Variants in KCNJ10 observed in about 807,000 individuals in gnomAD.
The protein encoded by KCNJ10 is ATP-sensitive inward rectifier potassium channel 10.
Under a neutral mutation model 22.2 loss-of-function variants are expected in KCNJ10, and 9 were observed. That is an observed-to-expected ratio of 0.40 (90% CI 0.24 to 0.71). The LOEUF (loss-of-function observed/expected upper bound fraction) is 0.71. KCNJ10 is among the 30% of genes least tolerant of loss of function. The pLI, the probability that KCNJ10 is intolerant of heterozygous loss-of-function variation, is 0.35. For synonymous variants in KCNJ10, 184 were observed against 187.3 expected, an observed-to-expected ratio of 0.98 and a Z score of 0.15; for missense variants, 337 against 482.7, an observed-to-expected ratio of 0.70 and a Z score of 2.83.
chr1:160,045,558 C>T (rs926187451), intron 1 of KCNJ10, among the ~76,000 whole-genome samples: 5 of 152,090 alleles, frequency 3.3e-5, no homozygotes, highest in African/African-American at 1.2e-4. Flanking sequence ...GAAAATAATC[C>T]AATATGAGTT....
chr1:160,041,571 C>CATAGCT lies in KCNJ10; in HGVS notation c.961_962insAGCTAT (p.Gly321delinsGluLeuCys). The CATAGCT allele has an allele frequency of 6.2e-7, 1 of 1,614,180 alleles. No individual in the cohort carries two copies. Among genetic ancestry groups the CATAGCT allele is most frequent in the Non-Finnish European group, 8.5e-7 (1 of 1,180,034 alleles). On this transcript the variant is annotated protein_altering_variant, in exon 2 of 2. Coordinates refer to ENST00000644903, the MANE Select transcript of KCNJ10 (RefSeq NM_002241.5). The surrounding 1 kb of genome is among the most constrained non-coding windows in gnomAD (Gnocchi z 4.4). ...AAGGCTAAAGTCAGCTATGTATTTA[C>CATAGCT]CACTGGCTGACAGTGAGATGGCAGG...
At chr1:160,049,693 A>ATATATATATATATATATT in intron 1 of KCNJ10, among the ~76,000 whole-genome samples, 1 of 116,732 alleles carries the variant, frequency 8.6e-6, no homozygotes, top group Non-Finnish European at 1.8e-5. Context: ...ATATATATAT[A>ATATATATATATATATATT]TATATATATA....
chr1:160,068,710 G>T (rs561022305), intron 1 of KCNJ10, among the ~76,000 whole-genome samples: 1 of 152,196 alleles, frequency 6.6e-6, no homozygotes, highest in Non-Finnish European at 1.5e-5. Context: ...AAATTTACAA[G>T]CCCTACCACT....
intron 1 of KCNJ10, among the ~76,000 whole-genome samples, chr1:160,054,382 G>T (rs1648975680): frequency 6.6e-6 from 1 of 152,098 alleles, no homozygotes; most frequent in African/African-American, 2.4e-5. Flanking sequence ...TCCCAGCCTG[G>T]CCCCATCTGG....
chr1:160,069,208 T>G (rs940143532), intron 1 of KCNJ10, among the ~76,000 whole-genome samples: 28 of 152,200 alleles, frequency 1.8e-4, no homozygotes, highest in African/African-American at 6.0e-4. Flanking sequence ...ATTCCTGGGT[T>G]CAGCTCTCCT....
chr1:160,065,515 G>A (rs1293357008), intron 1 of KCNJ10, among the ~76,000 whole-genome samples: 1 of 152,182 alleles, frequency 6.6e-6, no homozygotes, highest in Non-Finnish European at 1.5e-5. Context: ...GGGCCAAGTT[G>A]CAGATGCAAG....
chr1:160,050,080 A>G (rs922944182), intron 1 of KCNJ10, among the ~76,000 whole-genome samples: 2 of 152,098 alleles, frequency 1.3e-5, no homozygotes, highest in African/African-American at 2.4e-5. Context: ...ATCTGTATTA[A>G]TGTTGCCCAC....
chr1:160,064,654 A>AAAAAGTT (rs1158651296), intron 1 of KCNJ10: 2 of 152,258 alleles, frequency 1.3e-5, no homozygotes, highest in Non-Finnish European at 2.9e-5. Context: ...TCCTGAGGTC[A>AAAAAGTT]AAAAGTTTAA....
intron 1 of KCNJ10, among the ~76,000 whole-genome samples, chr1:160,055,001 G>A (rs1035875296): frequency 1.3e-4 from 20 of 152,142 alleles, no homozygotes; most frequent in Admixed American, 5.2e-4. Flanking sequence ...ATCAGGGGGT[G>A]GGGCTCCCCA....
chr1:160,059,058 C>T (rs1232799026), intron 1 of KCNJ10, among the ~76,000 whole-genome samples: 8 of 152,182 alleles, frequency 5.3e-5, no homozygotes, highest in East Asian at 1.9e-4. Context: ...CGCTCCATGC[C>T]GTGCTTCATC....
At chr1:160,049,784 G>T (rs1648858300) in intron 1 of KCNJ10, among the ~76,000 whole-genome samples, 1 of 142,690 alleles carries the variant, frequency 7.0e-6, no homozygotes, top group African/African-American at 2.6e-5. Flanking sequence ...TTTTATGATT[G>T]AATTAAAAGT....
intron 1 of KCNJ10, among the ~76,000 whole-genome samples, chr1:160,066,049 C>T (rs914382575): frequency 1.3e-5 from 2 of 151,970 alleles, no homozygotes; most frequent in African/African-American, 2.4e-5. Flanking sequence ...AATACAAGAG[C>T]GATAGGCAGG....
At chr1:160,043,122 G>T (rs1002381665) in intron 1 of KCNJ10, among the ~76,000 whole-genome samples, 1 of 152,068 alleles carries the variant, frequency 6.6e-6, no homozygotes, top group South Asian at 2.1e-4. Context: ...ATTCCTTGAA[G>T]GTGAGGGTGA....
At chr1:160,054,392 G>T (rs1648975843) in intron 1 of KCNJ10, among the ~76,000 whole-genome samples, 1 of 152,024 alleles carries the variant, frequency 6.6e-6, no homozygotes, top group African/African-American at 2.4e-5. Context: ...GCCCCATCTG[G>T]GTCCTCACCT....
intron 1 of KCNJ10, among the ~76,000 whole-genome samples, chr1:160,049,711 ATATATATATG>A (rs1648854890): frequency 4.1e-5 from 5 of 123,284 alleles, no homozygotes; most frequent in African/African-American, 1.6e-4. Flanking sequence ...ATATATATAT[ATATATATATG>A]TTATCCTAAA....
At chr1:160,050,297 C>G (rs550900586) in intron 1 of KCNJ10, among the ~76,000 whole-genome samples, 1 of 60,630 alleles carries the variant, frequency 1.6e-5, no homozygotes, top group South Asian at 1.2e-3. Context: ...CCACACCCAG[C>G]TAATTTTTTT....
chr1:160,067,271 T>C (rs1429820509), intron 1 of KCNJ10, among the ~76,000 whole-genome samples: 1 of 152,024 alleles, frequency 6.6e-6, no homozygotes, highest in Non-Finnish European at 1.5e-5. Context: ...AAGGTTCTGA[T>C]GGGGGAGGGG....
intron 1 of KCNJ10, among the ~76,000 whole-genome samples, chr1:160,067,125 A>G (rs1571277576): frequency 6.6e-6 from 1 of 152,258 alleles, no homozygotes; most frequent in East Asian, 1.9e-4. Flanking sequence ...TCTCCATGCC[A>G]CAAAGTTCTG....
chr1:160,065,934 T>C (rs1300284730), intron 1 of KCNJ10, among the ~76,000 whole-genome samples: 1 of 151,814 alleles, frequency 6.6e-6, no homozygotes, highest in Non-Finnish European at 1.5e-5. Flanking sequence ...TCCAGGCTGA[T>C]GGGATGAACA....
Sources: gnomAD v4.1 joint callset for allele counts (sites outside exome capture counted in the v4.1 genomes callset) on GRCh38, gnomAD v4.1.1 for gene constraint, Gnocchi (gnomAD v3.1) non-coding constraint, MANE v1.5 for transcripts, NCBI Gene and HGNC (gene_info 2026-07-23, HGNC 2026-07-21) for gene names.